ASAP1: variants seen among roughly 807,000 people sequenced by gnomAD.
ASAP1 encodes the protein ArfGAP with SH3 domain, ankyrin repeat and PH domain 1.
ASAP1 carries 43 observed loss-of-function variants against 145.2 expected under a neutral mutation model. The observed-to-expected ratio is 0.30, with a 90% CI of 0.23 to 0.38. ASAP1 has a LOEUF of 0.38. Among genes scored for constraint, ASAP1 ranks in the 10% least tolerant of loss-of-function variants. The pLI is 1.00. For missense variants in ASAP1, 1,018 were observed against 1,355.3 expected (o/e 0.75, Z 3.91); for synonymous variants, 546 against 515.5 (o/e 1.06, Z -0.80).
At chr8:130,127,877 AG>A (rs2097577438) in intron 16 of ASAP1, 49 bp downstream of exon 16, 1 of 1,596,634 alleles carries the variant, frequency 6.3e-7, no homozygotes, top group African/African-American at 1.3e-5. Context: ...TATATTCTAC[AG>A]GAAGAGAAAG....
At chr8:130,375,739 T>A (rs1350077145) in intron 2 of ASAP1, among the ~76,000 whole-genome samples, 5 of 152,158 alleles carry the variant, frequency 3.3e-5, no homozygotes, top group Non-Finnish European at 4.4e-5. Flanking sequence ...CTTTAATTCT[T>A]ACACTATCCT....
chr8:130,207,452 T>C (rs529303197), intron 5 of ASAP1, among the ~76,000 whole-genome samples: 10 of 152,354 alleles, frequency 6.6e-5, no homozygotes, highest in Non-Finnish European at 1.3e-4. Context: ...TCCAAGAGGA[T>C]ACGGCCCTTG....
chr8:130,272,191 G>A (rs1409424287), intron 3 of ASAP1, among the ~76,000 whole-genome samples: 2 of 151,410 alleles, frequency 1.3e-5, no homozygotes, highest in Non-Finnish European at 2.9e-5. Context: ...AATGGGCAAA[G>A]GACATGAATA....
chr8:130,181,041 C>T (rs561337873), intron 7 of ASAP1, among the ~76,000 whole-genome samples, 161 bp from the exon 8 acceptor site: 27 of 131,472 alleles, frequency 2.1e-4, no homozygotes, highest in African/African-American at 6.2e-4. Context: ...TCAGTGATAA[C>T]GGGGGAGGCT....
chr8:130,304,136 A>T (rs899705469), intron 3 of ASAP1, among the ~76,000 whole-genome samples: 3 of 152,106 alleles, frequency 2.0e-5, no homozygotes, highest in Admixed American at 2.0e-4. Flanking sequence ...AAAACTCTAC[A>T]AATTGAATCA....
chr8:130,236,555 G>A (rs1039297716), intron 4 of ASAP1, among the ~76,000 whole-genome samples: 1 of 152,000 alleles, frequency 6.6e-6, no homozygotes, highest in Non-Finnish European at 1.5e-5. Flanking sequence ...AATGTGTACA[G>A]GTACACTGAA....
At chr8:130,239,133 A>G (rs1818379986) in intron 3 of ASAP1, among the ~76,000 whole-genome samples, 1 of 152,164 alleles carries the variant, frequency 6.6e-6, no homozygotes, top group Admixed American at 6.6e-5. Flanking sequence ...TCCTCCGCTT[A>G]GGATCTCAAG....
chr8:130,198,116 T>G (rs536557632), intron 5 of ASAP1, among the ~76,000 whole-genome samples: 2 of 151,862 alleles, frequency 1.3e-5, no homozygotes, highest in East Asian at 3.9e-4. Flanking sequence ...CAAATTTAAC[T>G]AGGTTTATTT....
intron 13 of ASAP1, 92 bp from the exon 14 acceptor site, chr8:130,137,130 A>G: frequency 1.0e-6 from 1 of 994,004 alleles, no homozygotes; most frequent in South Asian, 1.3e-5. Context: ...GCTGTTCATA[A>G]GGCCTGCTCA....
chr8:130,392,989 C>G (rs72724485), intron 2 of ASAP1, among the ~76,000 whole-genome samples: 14,540 of 152,216 alleles, frequency 0.096, 712 homozygotes, highest in Middle Eastern at 0.16. Flanking sequence ...CCGAGGCACA[C>G]AGAAATTAAG....
At chr8:130,166,725 T>C (rs2097680565) in intron 11 of ASAP1, among the ~76,000 whole-genome samples, 1 of 152,082 alleles carries the variant, frequency 6.6e-6, no homozygotes, top group Non-Finnish European at 1.5e-5. Flanking sequence ...TAATGAAATG[T>C]TTGAACAAAT....
At chr8:130,272,305 G>A (rs548826799) in intron 3 of ASAP1, among the ~76,000 whole-genome samples, 5 of 152,118 alleles carry the variant, frequency 3.3e-5, no homozygotes, top group Admixed American at 1.3e-4. Context: ...ATCCCAGTTA[G>A]AATGGCCATT....
At chr8:130,096,998 C>T (rs1041602156) in intron 24 of ASAP1, among the ~76,000 whole-genome samples, 1 of 151,584 alleles carries the variant, frequency 6.6e-6, no homozygotes, top group African/African-American at 2.4e-5. Flanking sequence ...TGGTGGCATG[C>T]ACCTGTAATC....
chr8:130,156,268 A>C (rs1025472728), intron 12 of ASAP1, among the ~76,000 whole-genome samples: 1 of 152,232 alleles, frequency 6.6e-6, no homozygotes, highest in Admixed American at 6.5e-5. Flanking sequence ...TTTCATGTAT[A>C]AGCATTTCAA....
intron 12 of ASAP1, 116 bp downstream of exon 12, chr8:130,159,748 C>T (rs2097665377): frequency 1.4e-5 from 11 of 786,790 alleles, no homozygotes; most frequent in Non-Finnish European, 2.4e-5. Flanking sequence ...AACCAGTGTG[C>T]TAAAGGTCTG....
intron 24 of ASAP1, among the ~76,000 whole-genome samples, chr8:130,107,510 T>A (rs12543817): frequency 0.021 from 1,566 of 74,352 alleles, 22 homozygotes; most frequent in East Asian, 0.19. Flanking sequence ...TTTTTTTTTT[T>A]AAAAAATGTA....
intron 9 of ASAP1, among the ~76,000 whole-genome samples, chr8:130,173,440 TTC>T (rs571822724): frequency 2.0e-5 from 3 of 152,160 alleles, no homozygotes; most frequent in Admixed American, 1.3e-4. Flanking sequence ...CCTTTCTCTC[TTC>T]TCTCTGTTTT....
At chr8:130,248,118 A>G (rs1818962042) in intron 3 of ASAP1, among the ~76,000 whole-genome samples, 1 of 152,156 alleles carries the variant, frequency 6.6e-6, no homozygotes, top group African/African-American at 2.4e-5. Context: ...GAGCTTACTT[A>G]TCAAAGAGGA....
Position 130,115,748 on chromosome 8 carries a change from G to A in ASAP1, c.2065-13C>T. The A allele has an allele frequency of 6.4e-7, 1 of 1,558,612 alleles. No homozygotes were observed. Among genetic ancestry groups the A allele is most frequent in the South Asian group, 1.1e-5 (1 of 89,456 alleles). On this transcript the variant is annotated splice_polypyrimidine_tract_variant and intron_variant, in intron 22 of 29. Transcript: ENST00000518721. The stretch of plus-strand genomic sequence containing the variant: ...TAGCCTGGGAAAGCTGGAAGGAACA[G>A]CAAATGTGCACCATTTTAATTTAAA...
Sources: gnomAD v4.1 joint callset for allele counts (sites outside exome capture counted in the v4.1 genomes callset) on GRCh38, gnomAD v4.1.1 for gene constraint, MANE v1.5 for transcripts, NCBI Gene and HGNC (gene_info 2026-07-23, HGNC 2026-07-21) for gene names.